GLRA3: variants seen among roughly 807,000 people sequenced by gnomAD.
GLRA3 encodes the protein glycine receptor alpha 3.
In GLRA3, 44 loss-of-function variants were observed where a neutral mutation model predicts 60.4. The ratio of observed to expected loss-of-function variants is 0.73; its 90% CI spans 0.57 to 0.94. The LOEUF is 0.94. GLRA3 is among the 40% of genes least tolerant of loss of function. GLRA3 has a pLI of 0.00. For missense variants in GLRA3, 508 were observed against 564.6 expected, an observed-to-expected ratio of 0.90 and a Z score of 1.02; for synonymous variants, 223 against 192.9, an observed-to-expected ratio of 1.16 and a Z score of -1.29.
intron 2 of GLRA3, among the ~76,000 whole-genome samples, chr4:174,773,170 C>T (rs753977105): frequency 1.3e-5 from 2 of 152,138 alleles, no homozygotes; most frequent in South Asian, 4.1e-4. Context: ...CAATACACTC[C>T]TATGTTAAGC....
At chr4:174,701,041 T>A (rs1024936057) in intron 5 of GLRA3, among the ~76,000 whole-genome samples, 1 of 152,196 alleles carries the variant, frequency 6.6e-6, no homozygotes, top group East Asian at 1.9e-4. Context: ...GGTGGACACA[T>A]TAAACAACAG....
chr4:174,717,707 A>G (rs1369513692), intron 4 of GLRA3, among the ~76,000 whole-genome samples: 1 of 152,218 alleles, frequency 6.6e-6, no homozygotes, highest in East Asian at 1.9e-4. Context: ...CTCCTGGCTC[A>G]GCTAGGTTAA....
intron 2 of GLRA3, among the ~76,000 whole-genome samples, chr4:174,780,079 C>T (rs1265739873): frequency 6.7e-6 from 1 of 148,690 alleles, no homozygotes; most frequent in Non-Finnish European, 1.5e-5. Flanking sequence ...TCGGGTTACC[C>T]TCAAAGGGAA....
chr4:174,825,867 T>C (rs1212603416), intron 1 of GLRA3, among the ~76,000 whole-genome samples: 1 of 151,958 alleles, frequency 6.6e-6, no homozygotes. Context: ...CATCTGTAGG[T>C]TTGTAAAAAT....
intron 5 of GLRA3, among the ~76,000 whole-genome samples, chr4:174,690,266 T>A (rs964933623): frequency 2.0e-5 from 3 of 152,248 alleles, no homozygotes; most frequent in Admixed American, 2.0e-4. Context: ...TAGACTTTTA[T>A]ATTTCAGATT....
At chr4:174,781,260 A>G (rs1579596831) in intron 2 of GLRA3, among the ~76,000 whole-genome samples, 1 of 151,174 alleles carries the variant, frequency 6.6e-6, no homozygotes, top group East Asian at 1.9e-4. Context: ...TGTTCTTTGA[A>G]ACCAATGAGA....
chr4:174,754,696 A>C (rs1056549389), intron 3 of GLRA3, among the ~76,000 whole-genome samples: 1 of 152,174 alleles, frequency 6.6e-6, no homozygotes, highest in African/African-American at 2.4e-5. Context: ...GGAAGTTTAC[A>C]AAAGAACAGA....
rs938777327 is a variant in GLRA3, at chr4:174,728,556, T to C, written c.410A>G (p.Lys137Arg). 1.9e-6 allele frequency: 3 copies of C among 1,612,854 alleles called. No homozygotes were observed. The highest frequency in any genetic ancestry group is 2.5e-6 in the Non-Finnish European group (3 of 1,178,884). Residue 137 changes from lysine to arginine, a missense_variant, in exon 4 of 10, where the codon AAG becomes AGG. Physicochemically the swap from Lys to Arg is conservative, Grantham distance 26. This residue lies in a region of GLRA3 where 329 missense variants were observed against 349.3 expected (regional missense o/e 0.94). Coordinates refer to ENST00000274093, the MANE Select transcript of GLRA3 (RefSeq NM_006529.4). ...AGTGACTTCATGAAAGTTGGCACCC[T>C]TTTCATTGGCAAAGAACAAATCAGG... ...WKPDLFFANE[K>R]GANFHEVTTD...
At chr4:174,808,265 A>G (rs1351295137) in intron 1 of GLRA3, among the ~76,000 whole-genome samples, 2 of 152,150 alleles carry the variant, frequency 1.3e-5, no homozygotes, top group Non-Finnish European at 2.9e-5. Context: ...ACGTAACGAC[A>G]TTTTGGCCAA....
rs1411411628 is a variant in GLRA3, at chr4:174,699,752, C to T, written c.574+15736G>A. ...TCAAATTTGTACTGTTTAAATTATC[C>T]TTATTTTAGAGAATTAATATTTGTT... is the stretch of plus-strand genomic sequence containing the variant. On this transcript the variant is annotated intron_variant, in intron 5 of 9. Transcript: ENST00000274093. Among the ~76,000 whole-genome samples the T allele has an allele frequency of 2.7e-5, 4 of 146,178 alleles. No homozygotes were observed. In the East Asian group the frequency reaches 7.8e-4, roughly 29 times the overall value.
chr4:174,809,647 C>T (rs1412602895), intron 1 of GLRA3, among the ~76,000 whole-genome samples: 1 of 152,060 alleles, frequency 6.6e-6, no homozygotes, highest in Non-Finnish European at 1.5e-5. Flanking sequence ...GTAAGATAAT[C>T]GTTTGAACCC....
intron 2 of GLRA3, among the ~76,000 whole-genome samples, chr4:174,779,563 G>GA (rs1738778547): frequency 6.6e-6 from 1 of 152,002 alleles, no homozygotes; most frequent in Non-Finnish European, 1.5e-5. Context: ...TGAAAACTTT[G>GA]AAAAAAATTT....
intron 5 of GLRA3, among the ~76,000 whole-genome samples, chr4:174,703,240 G>C (rs1735391862): frequency 6.6e-6 from 1 of 152,138 alleles, no homozygotes; most frequent in South Asian, 2.1e-4. Context: ...AAACAATGAA[G>C]AATCCACTGG....
At chr4:174,731,804 A>C (rs1736556394) in intron 3 of GLRA3, among the ~76,000 whole-genome samples, 1 of 152,190 alleles carries the variant, frequency 6.6e-6, no homozygotes, top group African/African-American at 2.4e-5. Context: ...CCAATAATTG[A>C]GAAAAAGAGA....
At chr4:174,725,160 T>C (rs566194266) in intron 4 of GLRA3, among the ~76,000 whole-genome samples, 129 of 152,336 alleles carry the variant, frequency 8.5e-4, no homozygotes, top group Non-Finnish European at 1.6e-3. Context: ...TTTGTTGTAA[T>C]CTCACAGATC....
chr4:174,678,022 T>G (rs534642696), intron 6 of GLRA3, among the ~76,000 whole-genome samples: 53 of 152,206 alleles, frequency 3.5e-4, no homozygotes, highest in Non-Finnish European at 6.5e-4. Flanking sequence ...TCCATTTTCT[T>G]TAAAGTAAGT....
intron 9 of GLRA3, among the ~76,000 whole-genome samples, chr4:174,647,298 C>A (rs1366874572): frequency 1.3e-5 from 2 of 151,658 alleles, no homozygotes; most frequent in Non-Finnish European, 2.9e-5. Context: ...GGCCCAGCTA[C>A]TCTGGAGGCT....
At chr4:174,763,975 T>G (rs1738040143) in intron 3 of GLRA3, among the ~76,000 whole-genome samples, 2 of 152,074 alleles carry the variant, frequency 1.3e-5, no homozygotes, top group Non-Finnish European at 2.9e-5. Context: ...CTCATAATAT[T>G]TGTAGAAAAA....
At chr4:174,741,574 G>GT (rs1486582416) in intron 3 of GLRA3, among the ~76,000 whole-genome samples, 1 of 150,262 alleles carries the variant, frequency 6.7e-6, no homozygotes, top group African/African-American at 2.5e-5. Flanking sequence ...AGAAATAAAG[G>GT]TGTTTAATTA....
Sources: allele counts gnomAD v4.1 joint callset (sites outside exome capture counted in the v4.1 genomes callset), GRCh38; gene constraint gnomAD v4.1.1; regional missense constraint gnomAD v4.1.1; transcripts MANE v1.5; gene names NCBI Gene and HGNC (gene_info 2026-07-23, HGNC 2026-07-21).